HDX: variants seen among roughly 807,000 people sequenced by gnomAD.
The protein encoded by HDX is chromosome X open reading frame 43.
Under a neutral mutation model 45.2 loss-of-function variants are expected in HDX, and 19 were observed. The ratio of observed to expected loss-of-function variants is 0.42; its 90% CI spans 0.29 to 0.62. The LOEUF is 0.62. Among genes scored for constraint, HDX ranks in the 20% least tolerant of loss-of-function variants. The probability of loss-of-function intolerance (pLI) is 0.20; values close to 1 mark genes in which losing one functional copy is unlikely to be tolerated. For missense variants in HDX, 532 were observed against 493.9 expected, an observed-to-expected ratio of 1.08 and a Z score of -0.73; for synonymous variants, 188 against 172.8, an observed-to-expected ratio of 1.09 and a Z score of -0.69.
chrX:84,498,334 T>C, intron 1 of HDX, among the ~76,000 whole-genome samples: 1 of 111,929 alleles, frequency 8.9e-6, no homozygotes, highest in East Asian at 2.8e-4. Flanking sequence ...TCAACTTATT[T>C]CCTTAAAATT....
intron 3 of HDX, among the ~76,000 whole-genome samples, chrX:84,474,703 A>G (rs2040514931): frequency 8.9e-6 from 1 of 112,415 alleles, no homozygotes; most frequent in Non-Finnish European, 1.9e-5. Context: ...AGAATGTAGC[A>G]GCTCTGATTT....
intron 6 of HDX, among the ~76,000 whole-genome samples, chrX:84,354,936 T>C (rs1007082883): frequency 0.17 from 1,994 of 11,692 alleles, 21 homozygotes; most frequent in African/African-American, 0.23. Flanking sequence ...CACACATATA[T>C]ATATATATAT....
chrX:84,484,619 A>G (rs1180247144), intron 2 of HDX, among the ~76,000 whole-genome samples: 1 of 112,026 alleles, frequency 8.9e-6, no homozygotes, highest in Non-Finnish European at 1.9e-5. Context: ...CAGAGGTTGA[A>G]CTAATTTACT....
chrX:84,409,109 A>G (rs113128594), intron 5 of HDX, among the ~76,000 whole-genome samples: 2 of 110,930 alleles, frequency 1.8e-5, no homozygotes, highest in African/African-American at 6.6e-5. Context: ...GCAGCCAAAA[A>G]ACACATGAAA....
At chrX:84,452,201 C>T (rs1056463553) in intron 4 of HDX, among the ~76,000 whole-genome samples, 7 of 111,059 alleles carry the variant, frequency 6.3e-5, no homozygotes, top group Non-Finnish European at 1.3e-4. Flanking sequence ...AAGGCAGCAA[C>T]ATTGGAAAAT....
chrX:84,357,408 T>C (rs1001983325), intron 6 of HDX, among the ~76,000 whole-genome samples: 2 of 111,596 alleles, frequency 1.8e-5, no homozygotes, highest in Admixed American at 9.5e-5. Flanking sequence ...AAGCATAAAT[T>C]AAGTAAATTA....
At chrX:84,358,522 AAAT>A (rs1179953682) in intron 6 of HDX, among the ~76,000 whole-genome samples, 1 of 111,366 alleles carries the variant, frequency 9.0e-6, no homozygotes, top group Non-Finnish European at 1.9e-5. Context: ...CTTAAAATAG[AAAT>A]AATGTCTAAT....
chrX:84,471,187 G>A (rs2040448831), intron 3 of HDX, among the ~76,000 whole-genome samples: 1 of 109,019 alleles, frequency 9.2e-6, no homozygotes, highest in Admixed American at 9.9e-5. Context: ...CATTAGTGTT[G>A]CTGTACTACT....
intron 1 of HDX, 131 bp downstream of exon 1, chrX:84,502,211 T>A (rs947928137): frequency 1.8e-5 from 2 of 110,871 alleles, no homozygotes; most frequent in African/African-American, 6.6e-5. Flanking sequence ...CAGTTTTTTG[T>A]CTGCCTGTTT....
chrX:84,324,975 G>A (rs1457201402), intron 10 of HDX, among the ~76,000 whole-genome samples: 2 of 111,006 alleles, frequency 1.8e-5, no homozygotes, highest in Non-Finnish European at 3.8e-5. Context: ...AGTATGTCGT[G>A]GAATATACAT....
intron 5 of HDX, among the ~76,000 whole-genome samples, chrX:84,410,412 A>G (rs2038957114): frequency 9.0e-6 from 1 of 111,412 alleles, no homozygotes; most frequent in Admixed American, 9.6e-5. Context: ...AAATGGTTAT[A>G]TGGATTTGTG....
chrX:84,393,468 A>T (rs757163109), intron 5 of HDX, among the ~76,000 whole-genome samples: 1 of 111,502 alleles, frequency 9.0e-6, no homozygotes, highest in Admixed American at 9.5e-5. Flanking sequence ...TCATCAGACA[A>T]ATTGGTGTGT....
intron 6 of HDX, among the ~76,000 whole-genome samples, chrX:84,347,660 T>G (rs1216423768): frequency 9.0e-6 from 1 of 111,654 alleles, no homozygotes; most frequent in East Asian, 2.8e-4. Flanking sequence ...AATTTTTGTC[T>G]GAAAAAGTCT....
intron 6 of HDX, among the ~76,000 whole-genome samples, chrX:84,361,113 A>T (rs1163077637): frequency 8.9e-6 from 1 of 112,062 alleles, no homozygotes; most frequent in East Asian, 2.8e-4. Flanking sequence ...GTTACAGTGG[A>T]TAAATGGCAA....
intron 3 of HDX, among the ~76,000 whole-genome samples, chrX:84,474,207 G>T (rs2040503687): frequency 2.7e-5 from 3 of 111,698 alleles, no homozygotes; most frequent in African/African-American, 9.8e-5. Context: ...CAGGAGAATC[G>T]CTTGAACCTG....
intron 7 of HDX, among the ~76,000 whole-genome samples, chrX:84,337,761 T>C (rs2036996998): frequency 9.0e-6 from 1 of 111,633 alleles, no homozygotes; most frequent in Admixed American, 9.5e-5. Flanking sequence ...ATCCCTTTTC[T>C]GATCAAAATT....
At chrX:84,452,915 G>T (rs1038961597) in intron 4 of HDX, among the ~76,000 whole-genome samples, 6 of 111,839 alleles carry the variant, frequency 5.4e-5, no homozygotes, top group African/African-American at 1.9e-4. Context: ...TGTAGACAAA[G>T]ATTTTATGGC....
intron 5 of HDX, among the ~76,000 whole-genome samples, chrX:84,378,141 A>G (rs2038100337): frequency 8.9e-6 from 1 of 111,974 alleles, no homozygotes; most frequent in Non-Finnish European, 1.9e-5. Flanking sequence ...CTTTTGACCT[A>G]GCATAGCATA....
At chrX:84,471,581 T>C (rs1015090032) in intron 3 of HDX, among the ~76,000 whole-genome samples, 1 of 109,330 alleles carries the variant, frequency 9.1e-6, no homozygotes, top group Admixed American at 9.9e-5. Flanking sequence ...CAATTCTACC[T>C]CACCTGAAAG....
Sources: allele counts gnomAD v4.1 joint callset (sites outside exome capture counted in the v4.1 genomes callset), GRCh38; gene constraint gnomAD v4.1.1; transcripts MANE v1.5; gene names NCBI Gene and HGNC (gene_info 2026-07-23, HGNC 2026-07-21).